The following SLC30A8 variants were observed in gnomAD, a reference collection of about 807,000 sequenced individuals.
SLC30A8 encodes the protein proton-coupled zinc antiporter SLC30A8.
In SLC30A8, 27 loss-of-function variants were observed where a neutral mutation model predicts 36.9. The observed-to-expected ratio is 0.73, with a 90% CI of 0.54 to 1.01. SLC30A8 has a LOEUF of 1.01. Ranked by LOEUF, SLC30A8 falls within the 50% of genes least tolerant of loss-of-function variation. SLC30A8 has a pLI of 0.00. For synonymous variants in SLC30A8, 164 were observed against 172.4 expected, an observed-to-expected ratio of 0.95 and a Z score of 0.38; for missense variants, 439 against 452.0, an observed-to-expected ratio of 0.97 and a Z score of 0.26.
At chr8:117,077,027 T>C (rs1464050188) in intron 2 of SLC30A8, among the ~76,000 whole-genome samples, 1 of 152,218 alleles carries the variant, frequency 6.6e-6, no homozygotes, top group Admixed American at 6.5e-5. Flanking sequence ...ATAAAACTTT[T>C]GAAGACCTAC....
intron 1 of SLC30A8, among the ~76,000 whole-genome samples, chr8:117,145,442 A>G (rs1380830954): frequency 6.6e-6 from 1 of 152,022 alleles, no homozygotes; most frequent in Non-Finnish European, 1.5e-5. Context: ...ATAGAGTCAG[A>G]ATAATAATTG....
At chr8:117,078,965 G>T (rs1818576026) in intron 2 of SLC30A8, among the ~76,000 whole-genome samples, 1 of 152,002 alleles carries the variant, frequency 6.6e-6, no homozygotes, top group Non-Finnish European at 1.5e-5. Flanking sequence ...TGGGATTAAA[G>T]GTGTGAGCCA....
At chr8:117,037,505 C>T (rs1817251819) in intron 1 of SLC30A8, among the ~76,000 whole-genome samples, 1 of 151,974 alleles carries the variant, frequency 6.6e-6, no homozygotes, top group Non-Finnish European at 1.5e-5. Context: ...ATACCACTGC[C>T]CCCCTCACCC....
intron 2 of SLC30A8, among the ~76,000 whole-genome samples, chr8:117,069,152 C>T (rs1300798752): frequency 3.3e-5 from 5 of 151,390 alleles, no homozygotes; most frequent in Non-Finnish European, 7.4e-5. Context: ...ATTAAAAAAA[C>T]AAGAAAGTAA....
intron 2 of SLC30A8, among the ~76,000 whole-genome samples, chr8:117,114,260 T>G (rs115280907): frequency 3.9e-3 from 590 of 152,198 alleles, no homozygotes; most frequent in African/African-American, 0.014. Context: ...AGGATTTGAA[T>G]GGAAAAAACT....
intron 2 of SLC30A8, among the ~76,000 whole-genome samples, chr8:117,122,508 A>G (rs2130904063): frequency 6.6e-6 from 1 of 152,104 alleles, no homozygotes; most frequent in African/African-American, 2.4e-5. Flanking sequence ...GTAACTCTTA[A>G]CCATCCAACT....
chr8:117,007,932 G>A (rs3019884), intron 1 of SLC30A8, among the ~76,000 whole-genome samples: 55,685 of 152,026 alleles, frequency 0.37, 11,103 homozygotes, highest in South Asian at 0.49. Flanking sequence ...TAGAATCATT[G>A]CCCAGGGAAG....
chr8:117,100,122 A>G (rs1293557034), intron 2 of SLC30A8, among the ~76,000 whole-genome samples: 4 of 152,200 alleles, frequency 2.6e-5, no homozygotes, highest in Non-Finnish European at 4.4e-5. Flanking sequence ...AATAATAACA[A>G]TTATCTACTA....
In SLC30A8 at chr8:117,172,765, G is replaced by A; in HGVS notation, c.*84G>A. 1 of 1,481,386 alleles carries A rather than the reference G, an allele frequency of 6.8e-7. No homozygotes were observed. The highest frequency in any genetic ancestry group is 9.3e-7 in the Non-Finnish European group (1 of 1,078,732). 91.8% of individuals were successfully genotyped at this position (1,481,386 alleles called of 1,614,324 possible). A position where few individuals can be genotyped will look rare whatever the true frequency, so the allele number is the denominator to read the frequency against. ...CAGTTTCTGCATCATAGAAAATAAG[G>A]AACCAAAGGAAGAAATTCATGTCAT... On this transcript the variant is annotated 3_prime_UTR_variant, in exon 8 of 8. Transcript: ENST00000456015.
At chr8:117,128,955 A>G (rs1040758732) in intron 2 of SLC30A8, among the ~76,000 whole-genome samples, 3 of 152,006 alleles carry the variant, frequency 2.0e-5, no homozygotes, top group Non-Finnish European at 4.4e-5. Context: ...AAATATACCA[A>G]CTGAATGCAT....
At chr8:116,969,205 G>T (rs1441859935) in intron 1 of SLC30A8, among the ~76,000 whole-genome samples, 1 of 152,154 alleles carries the variant, frequency 6.6e-6, no homozygotes, top group East Asian at 1.9e-4. Context: ...ATCATTTGAG[G>T]TCAGGAGTTC....
intron 1 of SLC30A8, among the ~76,000 whole-genome samples, chr8:117,013,626 A>T (rs1375017594): frequency 6.6e-6 from 1 of 152,256 alleles, no homozygotes. Context: ...AACCATATAT[A>T]TACCTGGACT....
chr8:117,057,823 C>G (rs1817917966), intron 2 of SLC30A8, among the ~76,000 whole-genome samples: 1 of 152,160 alleles, frequency 6.6e-6, no homozygotes, highest in Non-Finnish European at 1.5e-5. Context: ...CATATCTTGG[C>G]TATTGTGAAT....
At chr8:117,054,947 T>C (rs1232482763) in intron 2 of SLC30A8, among the ~76,000 whole-genome samples, 1 of 151,992 alleles carries the variant, frequency 6.6e-6, no homozygotes, top group African/African-American at 2.4e-5. Flanking sequence ...GAGCAAATGG[T>C]TTCTAGTGTA....
chr8:117,062,664 G>A (rs2130787393), intron 2 of SLC30A8, among the ~76,000 whole-genome samples: 1 of 152,320 alleles, frequency 6.6e-6, no homozygotes. Context: ...TGCATTCAGA[G>A]TGGCACATAA....
At chr8:117,147,763 T>A (rs1014323362) in intron 2 of SLC30A8, among the ~76,000 whole-genome samples, 9 of 152,220 alleles carry the variant, frequency 5.9e-5, no homozygotes, top group African/African-American at 2.2e-4. Flanking sequence ...TACTTGAGAA[T>A]GATTCTGACT....
At chr8:117,168,386 ATTAT>A (rs1823175844) in intron 6 of SLC30A8, among the ~76,000 whole-genome samples, 1 of 152,098 alleles carries the variant, frequency 6.6e-6, no homozygotes. Flanking sequence ...TTCAAATGCA[ATTAT>A]TTAATTATGA....
chr8:117,054,232 G>C (rs1016600922), intron 2 of SLC30A8, among the ~76,000 whole-genome samples: 14 of 151,662 alleles, frequency 9.2e-5, no homozygotes, highest in Admixed American at 8.5e-4. Context: ...CTGAGTAGCT[G>C]GGACGACAGG....
chr8:117,064,081 T>C (rs574118001), intron 2 of SLC30A8, among the ~76,000 whole-genome samples: 1 of 152,066 alleles, frequency 6.6e-6, no homozygotes, highest in East Asian at 1.9e-4. Flanking sequence ...CACTGCAACC[T>C]CCCAGGTTCA....
Sources: gnomAD v4.1 joint callset for allele counts (sites outside exome capture counted in the v4.1 genomes callset) on GRCh38, gnomAD v4.1.1 for gene constraint, MANE v1.5 for transcripts, NCBI Gene and HGNC (gene_info 2026-07-23, HGNC 2026-07-21) for gene names.